The following AUTS2 variants were observed in gnomAD, a reference collection of about 807,000 sequenced individuals.
AUTS2 encodes activator of transcription and developmental regulator AUTS2.
A neutral mutation model predicts 112.4 loss-of-function variants in AUTS2; 17 were observed. That is an observed-to-expected ratio of 0.15 (90% CI 0.10 to 0.23). The LOEUF (loss-of-function observed/expected upper bound fraction) is 0.23. AUTS2 is among the 10% of genes least tolerant of loss of function. The pLI, the probability that AUTS2 is intolerant of heterozygous loss-of-function variation, is 1.00. For missense variants in AUTS2, 1,510 were observed against 1,701.6 expected, an observed-to-expected ratio of 0.89 and a Z score of 1.98; for synonymous variants, 751 against 702.7, an observed-to-expected ratio of 1.07 and a Z score of -1.09.
chr7:69,645,536 A>T (rs368659978), intron 1 of AUTS2, among the ~76,000 whole-genome samples: 5 of 152,358 alleles, frequency 3.3e-5, no homozygotes, highest in African/African-American at 1.2e-4. Flanking sequence ...TGTTTTCAGT[A>T]ATTTTGTTGA....
intron 1 of AUTS2, among the ~76,000 whole-genome samples, chr7:69,662,334 G>A: frequency 6.6e-6 from 1 of 152,130 alleles, no homozygotes. Flanking sequence ...TCTGGTTCCA[G>A]GTGTGTTTTG....
chr7:69,931,182 G>C (rs73429447), intron 2 of AUTS2, among the ~76,000 whole-genome samples: 1,549 of 151,514 alleles, frequency 0.01, 38 homozygotes, highest in African/African-American at 0.035. Flanking sequence ...CCTGTTACTT[G>C]GTGTGCTGCT....
chr7:70,638,753 G>A (rs1202833354), intron 5 of AUTS2, among the ~76,000 whole-genome samples: 1 of 152,150 alleles, frequency 6.6e-6, no homozygotes, highest in East Asian at 1.9e-4. Context: ...TGATTAATAT[G>A]TAACAGAGAT....
chr7:70,389,781 A>C (rs1158314024), intron 4 of AUTS2, among the ~76,000 whole-genome samples: 1 of 152,190 alleles, frequency 6.6e-6, no homozygotes, highest in Non-Finnish European at 1.5e-5. Context: ...TTCATCATAA[A>C]GGAGCCACTT....
At position 70,766,438 on chromosome 7, in the gene AUTS2, G is replaced by C; in HGVS notation, c.1689+104G>C. On this transcript the variant is annotated intron_variant, in intron 9 of 18. Transcript: ENST00000342771. The surrounding 1 kb of genome is among the most constrained non-coding windows in gnomAD (Gnocchi z 4.8). ...CAGCGGGGCCACCAGAGATCGAATG[G>C]GGACTGACGGCTGTTGGCTGGAGAG... 7.2e-7 allele frequency: 1 copy of C among 1,397,272 alleles called. No individual in the cohort carries two copies. The highest frequency in any genetic ancestry group is 9.9e-7 in the Non-Finnish European group (1 of 1,012,376). 86.6% of individuals were successfully genotyped at this position (1,397,272 alleles called of 1,614,324 possible). A position where few individuals can be genotyped will look rare whatever the true frequency, so the allele number is the denominator to read the frequency against.
chr7:70,740,600 G>A (rs1462649201), intron 6 of AUTS2, among the ~76,000 whole-genome samples: 3 of 151,994 alleles, frequency 2.0e-5, no homozygotes. Flanking sequence ...AAAAGTATTT[G>A]CTCTTCCAAA....
chr7:69,867,650 A>C (rs1793294445), intron 1 of AUTS2, among the ~76,000 whole-genome samples: 1 of 152,146 alleles, frequency 6.6e-6, no homozygotes, highest in African/African-American at 2.4e-5. Flanking sequence ...CCAGGATTAG[A>C]GTACTAAAAC....
At chr7:69,659,731 A>C (rs1320963524) in intron 1 of AUTS2, among the ~76,000 whole-genome samples, 1 of 151,764 alleles carries the variant, frequency 6.6e-6, no homozygotes, top group Admixed American at 6.6e-5. Flanking sequence ...TGTTTCTACT[A>C]TCCCACTTCC....
At chr7:70,759,657 A>T (rs1789432832) in intron 6 of AUTS2, among the ~76,000 whole-genome samples, 1 of 152,200 alleles carries the variant, frequency 6.6e-6, no homozygotes, top group East Asian at 1.9e-4. Context: ...ACAGTGAGGC[A>T]ACAGAGGAGA....
chr7:70,619,151 C>T (rs896762974), intron 5 of AUTS2, among the ~76,000 whole-genome samples: 12 of 152,094 alleles, frequency 7.9e-5, no homozygotes, highest in Non-Finnish European at 1.0e-4. Flanking sequence ...ATCCCCTTGC[C>T]GGACTTGGAT....
chr7:70,764,024 A>T (rs2129557144), intron 7 of AUTS2, among the ~76,000 whole-genome samples: 1 of 152,324 alleles, frequency 6.6e-6, no homozygotes, highest in East Asian at 1.9e-4. Context: ...CCCAGTGTGC[A>T]GCGCCAAGTA....
chr7:70,595,796 G>C (rs1029333373), intron 5 of AUTS2, among the ~76,000 whole-genome samples: 3 of 152,192 alleles, frequency 2.0e-5, no homozygotes, highest in Non-Finnish European at 4.4e-5. Context: ...AAACAGCAAA[G>C]AGCATCTCTT....
At chr7:70,175,964 A>G (rs1323627010) in intron 4 of AUTS2, among the ~76,000 whole-genome samples, 2 of 152,192 alleles carry the variant, frequency 1.3e-5, no homozygotes, top group Non-Finnish European at 2.9e-5. Flanking sequence ...CCAAATCTAC[A>G]ATGTCTTAGG....
At chr7:69,915,201 A>G (rs944274097) in intron 2 of AUTS2, among the ~76,000 whole-genome samples, 1 of 152,218 alleles carries the variant, frequency 6.6e-6, no homozygotes, top group African/African-American at 2.4e-5. Flanking sequence ...TCAGAGATAC[A>G]TATTAAAGTT....
At chr7:70,204,468 CAG>C (rs1162933241) in intron 4 of AUTS2, among the ~76,000 whole-genome samples, 2 of 151,896 alleles carry the variant, frequency 1.3e-5, no homozygotes, top group African/African-American at 4.8e-5. Flanking sequence ...TTGAAAGAGA[CAG>C]AGAAAATATG....
chr7:70,417,853 C>T (rs1394112221), intron 4 of AUTS2, among the ~76,000 whole-genome samples: 2 of 152,124 alleles, frequency 1.3e-5, no homozygotes, highest in South Asian at 2.1e-4. Context: ...TCCAGAAGAC[C>T]GTTTGCCTAT....
intron 1 of AUTS2, among the ~76,000 whole-genome samples, chr7:69,648,311 C>T (rs1037989273): frequency 3.9e-5 from 6 of 152,104 alleles, no homozygotes; most frequent in Non-Finnish European, 7.4e-5. Context: ...ATGTACTCAT[C>T]ACCCTGCTTA....
At chr7:70,568,093 G>A (rs1025672257) in intron 5 of AUTS2, among the ~76,000 whole-genome samples, 1 of 152,170 alleles carries the variant, frequency 6.6e-6, no homozygotes, top group Non-Finnish European at 1.5e-5. Context: ...CGGAGCAGAT[G>A]GTCTTTTTTG....
intron 1 of AUTS2, among the ~76,000 whole-genome samples, chr7:69,885,095 A>G (rs1173553794): frequency 6.6e-6 from 1 of 152,202 alleles, no homozygotes; most frequent in East Asian, 1.9e-4. Flanking sequence ...AAGCTCTAAG[A>G]CTTGGAAAAC....
Sources: gnomAD v4.1 joint callset for allele counts (sites outside exome capture counted in the v4.1 genomes callset) on GRCh38, gnomAD v4.1.1 for gene constraint, Gnocchi (gnomAD v3.1) non-coding constraint, MANE v1.5 for transcripts, NCBI Gene and HGNC (gene_info 2026-07-23, HGNC 2026-07-21) for gene names.